Variants in KCNT2 observed in about 807,000 individuals in gnomAD.
KCNT2 encodes potassium sodium-activated channel subfamily T member 2.
A neutral mutation model predicts 153.8 loss-of-function variants in KCNT2; 67 were observed. The observed-to-expected ratio is 0.44, with a 90% CI of 0.36 to 0.53. The LOEUF (loss-of-function observed/expected upper bound fraction) is 0.53. Among genes scored for constraint, KCNT2 ranks in the 20% least tolerant of loss-of-function variants. The probability of loss-of-function intolerance (pLI) is 0.00; values close to 1 mark genes in which losing one functional copy is unlikely to be tolerated. For synonymous variants in KCNT2, 500 were observed against 458.8 expected (o/e 1.09, Z -1.15); for missense variants, 975 against 1,354.8 (o/e 0.72, Z 4.40).
At chr1:196,482,288 A>C in intron 4 of KCNT2, 43 bp downstream of exon 4, 1 of 1,289,358 alleles carries the variant, frequency 7.8e-7, no homozygotes, top group Non-Finnish European at 1.1e-6. Flanking sequence ...GTGAAATGTG[A>C]ATAAACCCAG....
At chr1:196,357,632 G>T (rs920075024) in intron 14 of KCNT2, among the ~76,000 whole-genome samples, 18 of 151,926 alleles carry the variant, frequency 1.2e-4, no homozygotes, top group Admixed American at 3.3e-4. Flanking sequence ...ATTGAGCTAA[G>T]GGAGGAAACA....
intron 14 of KCNT2, among the ~76,000 whole-genome samples, chr1:196,359,279 G>A (rs374555183): frequency 6.7e-4 from 102 of 152,018 alleles, no homozygotes; most frequent in Admixed American, 2.6e-3. Context: ...AGTCTGGGCC[G>A]TGATTTCCAA....
At chr1:196,399,783 A>G (rs1039137544) in intron 12 of KCNT2, among the ~76,000 whole-genome samples, 1 of 151,816 alleles carries the variant, frequency 6.6e-6, no homozygotes, top group Admixed American at 6.6e-5. Flanking sequence ...GAGGGCAGTC[A>G]TCATGAATGG....
At chr1:196,345,440 T>A (rs1279504483) in intron 14 of KCNT2, among the ~76,000 whole-genome samples, 2 of 152,106 alleles carry the variant, frequency 1.3e-5, no homozygotes, top group African/African-American at 4.8e-5. Flanking sequence ...GAAGCCAGTT[T>A]AGCTGGAATT....
At chr1:196,592,374 G>C (rs951861262) in intron 1 of KCNT2, among the ~76,000 whole-genome samples, 1 of 150,946 alleles carries the variant, frequency 6.6e-6, no homozygotes, top group South Asian at 2.1e-4. Context: ...GGGGGTGTTG[G>C]GAGAGGAGGT....
chr1:196,490,273 T>A (rs1679758712), intron 2 of KCNT2, among the ~76,000 whole-genome samples: 1 of 151,694 alleles, frequency 6.6e-6, no homozygotes. Context: ...ATTTTATACA[T>A]CCATAAATTT....
chr1:196,334,178 T>C (rs1048846470), intron 16 of KCNT2, 118 bp from the exon 17 acceptor site: 5 of 617,804 alleles, frequency 8.1e-6, no homozygotes, highest in African/African-American at 1.8e-5. Context: ...AGAGAGAGTA[T>C]ATATTTATGC....
chr1:196,509,267 GAAAA>G (rs78796952), intron 1 of KCNT2, among the ~76,000 whole-genome samples: 1 of 77,622 alleles, frequency 1.3e-5, no homozygotes, highest in Non-Finnish European at 2.7e-5. Flanking sequence ...GCGAAACTCC[GAAAA>G]AAAAAAAAAA....
At chr1:196,598,398 T>G (rs1440415568) in intron 1 of KCNT2, among the ~76,000 whole-genome samples, 1 of 152,188 alleles carries the variant, frequency 6.6e-6, no homozygotes, top group Non-Finnish European at 1.5e-5. Flanking sequence ...TAGTTTGTTT[T>G]GCTGATTTTC....
chr1:196,372,516 C>A (rs1012306568), intron 14 of KCNT2, among the ~76,000 whole-genome samples: 3 of 151,816 alleles, frequency 2.0e-5, no homozygotes, highest in Non-Finnish European at 4.4e-5. Context: ...TTTCTTTGAT[C>A]ATCCTAGTCA....
intron 8 of KCNT2, among the ~76,000 whole-genome samples, chr1:196,457,717 C>T (rs1393723230): frequency 6.6e-6 from 1 of 151,910 alleles, no homozygotes; most frequent in Non-Finnish European, 1.5e-5. Context: ...TATTATTGAT[C>T]GTTAAGCTAT....
intron 8 of KCNT2, among the ~76,000 whole-genome samples, chr1:196,460,543 T>C (rs950662725): frequency 2.6e-4 from 39 of 151,630 alleles, no homozygotes; most frequent in Non-Finnish European, 5.6e-4. Context: ...GCAAATTGAG[T>C]CTTTGCGCTC....
intron 26 of KCNT2, chr1:196,257,252 AACTT>A (rs1443257117): frequency 1.0e-6 from 1 of 985,034 alleles, no homozygotes; most frequent in Non-Finnish European, 1.2e-6. Flanking sequence ...GAGTAGTGCT[AACTT>A]AATATGTGGG....
At chr1:196,286,381 G>C (rs944124046) in intron 22 of KCNT2, among the ~76,000 whole-genome samples, 20 of 152,038 alleles carry the variant, frequency 1.3e-4, no homozygotes, top group African/African-American at 4.6e-4. Flanking sequence ...GCCCTCACCA[G>C]ACACCAAATC....
chr1:196,351,917 G>C (rs1257336503), intron 14 of KCNT2, among the ~76,000 whole-genome samples: 3 of 152,142 alleles, frequency 2.0e-5, no homozygotes, highest in African/African-American at 7.2e-5. Flanking sequence ...AGCATGAAGG[G>C]TTGTTGAATT....
At chr1:196,239,990 G>T (rs1048358666) in intron 26 of KCNT2, among the ~76,000 whole-genome samples, 2 of 152,014 alleles carry the variant, frequency 1.3e-5, no homozygotes, top group African/African-American at 2.4e-5. Flanking sequence ...GGCCTCAGAA[G>T]AAATCAAATT....
chr1:196,257,378 G>GA (rs1656606046), intron 26 of KCNT2: 1 of 977,540 alleles, frequency 1.0e-6, no homozygotes, highest in African/African-American at 1.8e-5. Context: ...ATAAACAAGA[G>GA]AAAAGGGTAA....
At chr1:196,255,351 C>T (rs933236179) in intron 26 of KCNT2, among the ~76,000 whole-genome samples, 7 of 151,624 alleles carry the variant, frequency 4.6e-5, no homozygotes, top group Admixed American at 6.6e-5. Context: ...AAAGAACACA[C>T]GGCTTGTCCA....
At chr1:196,235,044 G>A (rs997021507) in intron 27 of KCNT2, among the ~76,000 whole-genome samples, 7 of 151,380 alleles carry the variant, frequency 4.6e-5, no homozygotes, top group Non-Finnish European at 7.4e-5. Context: ...GCTCATATAT[G>A]TCTAAGTGCT....
Sources: allele counts gnomAD v4.1 joint callset (sites outside exome capture counted in the v4.1 genomes callset), GRCh38; gene constraint gnomAD v4.1.1; transcripts MANE v1.5; gene names NCBI Gene and HGNC (gene_info 2026-07-23, HGNC 2026-07-21).